Variants in CIB2 observed in about 807,000 individuals in gnomAD.
The protein encoded by CIB2 is calcium and integrin-binding family member 2.
In CIB2, 19 loss-of-function variants were observed where a neutral mutation model predicts 23.1. The observed-to-expected ratio is 0.82, with a 90% CI of 0.57 to 1.21. CIB2 has a LOEUF of 1.21. Among genes scored for constraint, CIB2 ranks in the 50% most tolerant of loss-of-function variants. The pLI, the probability that CIB2 is intolerant of heterozygous loss-of-function variation, is 0.00. For missense variants in CIB2, 220 were observed against 241.5 expected (o/e 0.91, Z 0.59); for synonymous variants, 94 against 91.7 (o/e 1.03, Z -0.14).
At chr15:78,120,109 G>A (rs760016724) in intron 2 of CIB2, among the ~76,000 whole-genome samples, 1 of 151,914 alleles carries the variant, frequency 6.6e-6, no homozygotes, top group Non-Finnish European at 1.5e-5. Context: ...TCACCATGTT[G>A]GCCAGACTGG....
intron 1 of CIB2, among the ~76,000 whole-genome samples, chr15:78,124,083 G>A (rs886400602): frequency 9.9e-5 from 15 of 152,056 alleles, no homozygotes; most frequent in Admixed American, 2.0e-4. Flanking sequence ...GGGATGACAG[G>A]GAGGTGGCTG....
intron 2 of CIB2, among the ~76,000 whole-genome samples, chr15:78,122,165 G>A (rs2074328891): frequency 6.6e-6 from 1 of 152,228 alleles, no homozygotes; most frequent in Admixed American, 6.5e-5. Context: ...GGCTGTTAGA[G>A]CAGCTGGGAT....
At chr15:78,109,192 T>TGC in intron 4 of CIB2, 43 bp downstream of exon 4, 3 of 1,241,518 alleles carry the variant, frequency 2.4e-6, no homozygotes, top group African/African-American at 1.7e-5. Context: ...CCCCACATGT[T>TGC]CCCCCACCGC....
chr15:78,120,684 G>T, intron 2 of CIB2: 1 of 985,508 alleles, frequency 1.0e-6, no homozygotes, highest in African/African-American at 1.7e-5. Flanking sequence ...AGGGCAGAGG[G>T]AAGGAGAATT....
Position 78,105,126 on chromosome 15 carries a change from G to A in CIB2, c.*185C>T. On this transcript the variant is annotated 3_prime_UTR_variant, in exon 6 of 6. Transcript: ENST00000258930. ...TGGACCACAGCGGGGCTGTGGGAAG[G>A]GTCCTAACCTTCACAGGCCCCCTTC... 1.3e-6 allele frequency: 1 copy of A among 772,482 alleles called. No individual in the cohort carries two copies. The highest frequency in any genetic ancestry group is 2.0e-6 in the Non-Finnish European group (1 of 493,294). 47.9% of individuals were successfully genotyped at this position (772,482 alleles called of 1,614,324 possible). A position where few individuals can be genotyped will look rare whatever the true frequency, so the allele number is the denominator to read the frequency against.
intron 2 of CIB2, among the ~76,000 whole-genome samples, chr15:78,114,801 A>C (rs2074213734): frequency 6.6e-6 from 1 of 151,636 alleles, no homozygotes; most frequent in African/African-American, 2.4e-5. Context: ...ATTAAAAATT[A>C]GGTGGATGTG....
chr15:78,115,563 A>T (rs1328781567), intron 2 of CIB2, among the ~76,000 whole-genome samples: 1 of 152,036 alleles, frequency 6.6e-6, no homozygotes, highest in Non-Finnish European at 1.5e-5. Flanking sequence ...ACCTGGTCAA[A>T]AGTATTTTAA....
intron 4 of CIB2, among the ~76,000 whole-genome samples, chr15:78,107,102 G>A (rs1312528192): frequency 1.3e-5 from 2 of 152,146 alleles, no homozygotes; most frequent in East Asian, 3.9e-4. Context: ...GGGCGTGGTG[G>A]TGGACGCCTG....
At chr15:78,128,474 T>C (rs796116495) in intron 1 of CIB2, among the ~76,000 whole-genome samples, 3 of 152,208 alleles carry the variant, frequency 2.0e-5, no homozygotes, top group African/African-American at 7.2e-5. Context: ...GTCAGGAGTT[T>C]GAGACCAGCC....
chr15:78,120,586 C>G (rs931127609), intron 2 of CIB2: 2 of 984,858 alleles, frequency 2.0e-6, no homozygotes, highest in African/African-American at 3.5e-5. Flanking sequence ...AGCAAGGTGA[C>G]TGAATAGGGT....
rs940227881 is a variant in CIB2, at chr15:78,105,140, C to T, written c.*171G>A. 4 of 904,470 alleles carry T rather than the reference C, an allele frequency of 4.4e-6. No individual in the cohort carries two copies. The African/African-American group carries it at 5.1e-5, about 11-fold the overall frequency. The allele number at this position is 904,470 out of a possible 1,614,324, so 56.0% of individuals were successfully genotyped here. The stretch of plus-strand genomic sequence containing the variant: ...GCTGTGGGAAGGGTCCTAACCTTCA[C>T]AGGCCCCCTTCCTGGTTAAGGTTTT... On this transcript the variant is annotated 3_prime_UTR_variant, in exon 6 of 6. Coordinates refer to ENST00000258930, the MANE Select transcript of CIB2 (RefSeq NM_006383.4).
intron 2 of CIB2, among the ~76,000 whole-genome samples, chr15:78,112,442 T>A (rs2074175153): frequency 6.6e-6 from 1 of 152,054 alleles, no homozygotes; most frequent in Admixed American, 6.6e-5. Context: ...CGTGGCTCAG[T>A]CATAGCTACT....
rs565680150 is a variant in CIB2 at position 78,111,712 on chromosome 15, AG to A, written c.87-437del. On this transcript the variant is annotated intron_variant, in intron 2 of 5. Transcript: ENST00000258930. ...GACCCCAGCTTACTGCTCAGCAAAC[AG>A]GGCTGAAGAGGTTAAGAGTGATTTG... Among the ~76,000 whole-genome samples, 17 of 152,324 alleles carry A rather than the reference AG, an allele frequency of 1.1e-4. No homozygotes were observed. In the South Asian group the frequency reaches 3.5e-3, roughly 32 times the overall value.
At chr15:78,109,567 A>G in intron 3 of CIB2, 185 bp from the exon 4 acceptor site, 1 of 670,626 alleles carries the variant, frequency 1.5e-6, no homozygotes, top group Non-Finnish European at 2.6e-6. Flanking sequence ...GGATTAAATG[A>G]GCTAAAGTAT....
At chr15:78,112,343 G>A (rs1052202202) in intron 2 of CIB2, among the ~76,000 whole-genome samples, 1 of 152,144 alleles carries the variant, frequency 6.6e-6, no homozygotes, top group African/African-American at 2.4e-5. Flanking sequence ...GAGGTGGGAG[G>A]ACCACTTGAG....
chr15:78,119,600 T>A (rs959324789), intron 2 of CIB2, among the ~76,000 whole-genome samples: 4 of 152,134 alleles, frequency 2.6e-5, no homozygotes, highest in African/African-American at 9.7e-5. Flanking sequence ...GGAGTCTCGC[T>A]TTGTAGCCCA....
chr15:78,119,298 G>A (rs1183979852), intron 2 of CIB2, among the ~76,000 whole-genome samples: 1 of 152,164 alleles, frequency 6.6e-6, no homozygotes, highest in Non-Finnish European at 1.5e-5. Flanking sequence ...GTTGAATAGT[G>A]TTTTATTGTC....
At chr15:78,113,537 T>TTTCTTTCTTTCTTTC (rs757432232) in intron 2 of CIB2, among the ~76,000 whole-genome samples, 14 of 47,338 alleles carry the variant, frequency 3.0e-4, no homozygotes, top group African/African-American at 6.9e-4. Context: ...TCTTTCTTTC[T>TTTCTTTCTTTCTTTC]TTTTTTTTTT....
Position 78,105,825 on chromosome 15 carries a change from G to T in CIB2, c.456C>A (p.Val152=). Residue 152 remains valine, a synonymous_variant, in exon 5 of 6, where the codon GTC becomes GTA. Coordinates refer to ENST00000258930, the MANE Select transcript of CIB2 (RefSeq NM_006383.4). ...EEEVVLVCDK[V]IEEADLDGDG... is the part of the protein sequence containing the mutation. ...CACCGTCCAAGTCAGCCTCCTCAAT[G>T]ACCTTGTCGCACACAAGCACCACCT... 1 of 1,614,144 alleles carries T rather than the reference G, an allele frequency of 6.2e-7. No individual in the cohort carries two copies. Among genetic ancestry groups the T allele is most frequent in the Non-Finnish European group, 8.5e-7 (1 of 1,180,016 alleles).
Sources: allele counts gnomAD v4.1 joint callset (sites outside exome capture counted in the v4.1 genomes callset), GRCh38; gene constraint gnomAD v4.1.1; transcripts MANE v1.5; gene names NCBI Gene and HGNC (gene_info 2026-07-23, HGNC 2026-07-21).